RBFOX1: variants seen among roughly 807,000 people sequenced by gnomAD.
The protein encoded by RBFOX1 is RNA binding protein fox-1 homolog 1.
Under a neutral mutation model 57.7 loss-of-function variants are expected in RBFOX1, and 8 were observed. The ratio of observed to expected loss-of-function variants is 0.14; its 90% CI spans 0.08 to 0.25. The LOEUF is 0.25. Among genes scored for constraint, RBFOX1 ranks in the 10% least tolerant of loss-of-function variants. The pLI is 1.00. For missense variants in RBFOX1, 611 were observed against 548.5 expected (o/e 1.11, Z -1.14); for synonymous variants, 326 against 222.4 (o/e 1.47, Z -4.15).
At chr16:6,754,628 C>G (rs1181043293) in intron 3 of RBFOX1, among the ~76,000 whole-genome samples, 4 of 151,934 alleles carry the variant, frequency 2.6e-5, no homozygotes, top group South Asian at 4.2e-4. Context: ...CAGGAGCACA[C>G]TTTTATATAC....
intron 2 of RBFOX1, among the ~76,000 whole-genome samples, chr16:6,579,879 G>T (rs774528845): frequency 2.6e-5 from 4 of 151,966 alleles, no homozygotes; most frequent in Non-Finnish European, 4.4e-5. Context: ...AGCCACTGCC[G>T]CCAGCCTTCA....
At chr16:5,931,147 T>C (rs753677279) in intron 4 of RBFOX1, among the ~76,000 whole-genome samples, 2 of 152,142 alleles carry the variant, frequency 1.3e-5, no homozygotes, top group Non-Finnish European at 2.9e-5. Flanking sequence ...TTCTTTTGTA[T>C]TGGCTTCATT....
In RBFOX1 at chr16:5,599,305, G is replaced by A. The variant is rs371564881; in HGVS notation, c.*56G>A. Reference sequence around the variant, plus strand: ...GGTGTGACGGCCCCAGGTTGTGGGAGCACGTGAAAGAAGTCGAATGTCATT... The same window carrying A: ...GGTGTGACGGCCCCAGGTTGTGGGAACACGTGAAAGAAGTCGAATGTCATT... On this transcript the variant is annotated 3_prime_UTR_variant, in exon 3 of 3. Coordinates refer to the RBFOX1 transcript ENST00000585867. The A allele has an allele frequency of 2.9e-5, 18 of 625,434 alleles. No homozygotes were observed. In the African/African-American group the frequency reaches 3.3e-4, roughly 11 times the overall value. 38.7% of individuals were successfully genotyped at this position (625,434 alleles called of 1,614,324 possible).
intron 2 of RBFOX1, chr16:6,483,089 G>C: frequency 2.0e-6 from 2 of 989,200 alleles, no homozygotes; most frequent in Non-Finnish European, 2.4e-6. Flanking sequence ...CCTCCGACCC[G>C]TAGGGGCGGG....
intron 1 of RBFOX1, among the ~76,000 whole-genome samples, chr16:6,198,529 G>A (rs1230905933): frequency 6.6e-6 from 1 of 152,154 alleles, no homozygotes; most frequent in Non-Finnish European, 1.5e-5. Context: ...GTGTGACCTT[G>A]AGCATGTCAG....
At chr16:6,044,358 A>T (rs1316568517) in intron 1 of RBFOX1, among the ~76,000 whole-genome samples, 1 of 152,154 alleles carries the variant, frequency 6.6e-6, no homozygotes, top group Non-Finnish European at 1.5e-5. Flanking sequence ...CTTAGGATGT[A>T]TACAGTGTTC....
intron 3 of RBFOX1, among the ~76,000 whole-genome samples, chr16:6,882,278 A>G (rs2063104637): frequency 6.6e-6 from 1 of 152,244 alleles, no homozygotes; most frequent in South Asian, 2.1e-4. Context: ...ACAGAGGATG[A>G]TGGGGAGGAA....
chr16:7,241,736 AACAC>A (rs952818546), intron 4 of RBFOX1, among the ~76,000 whole-genome samples: 14 of 151,938 alleles, frequency 9.2e-5, no homozygotes, highest in Admixed American at 2.6e-4. Context: ...CATATACACA[AACAC>A]ACACACATGC....
intron 3 of RBFOX1, among the ~76,000 whole-genome samples, chr16:6,841,498 G>A (rs1603631094): frequency 6.6e-6 from 1 of 152,144 alleles, no homozygotes; most frequent in African/African-American, 2.4e-5. Flanking sequence ...CATTAATGCG[G>A]TAGATCTGGA....
At chr16:7,259,281 G>A (rs767381545) in intron 4 of RBFOX1, among the ~76,000 whole-genome samples, 1 of 152,176 alleles carries the variant, frequency 6.6e-6, no homozygotes, top group Non-Finnish European at 1.5e-5. Flanking sequence ...CAACTGCAAA[G>A]AGAGGCTTAA....
intron 3 of RBFOX1, among the ~76,000 whole-genome samples, chr16:6,671,875 C>G (rs370976631): frequency 6.6e-6 from 1 of 152,282 alleles, no homozygotes; most frequent in African/African-American, 2.4e-5. Context: ...TTTTTGTGTG[C>G]CATTTTACAT....
In RBFOX1 at chr16:7,606,829, G is replaced by A. The variant is rs563673268; in HGVS notation, c.623-456G>A. Among the ~76,000 whole-genome samples the A allele has an allele frequency of 3.9e-5, 6 of 152,208 alleles. No individual in the cohort carries two copies. In the South Asian group the frequency reaches 8.3e-4, roughly 21 times the overall value. On this transcript the variant is annotated intron_variant, in intron 9 of 15. Coordinates refer to ENST00000550418, the MANE Select transcript of RBFOX1 (RefSeq NM_018723.4). ...GCACTTTGGAATTCTCTAGTATCTCGAGGTTATAATTTGGAATGACAATTG... is the reference window on the plus strand; with the variant it reads ...GCACTTTGGAATTCTCTAGTATCTCAAGGTTATAATTTGGAATGACAATTG...
intron 2 of RBFOX1, among the ~76,000 whole-genome samples, chr16:5,554,126 A>G (rs1279532934): frequency 6.6e-6 from 1 of 151,998 alleles, no homozygotes; most frequent in Non-Finnish European, 1.5e-5. Flanking sequence ...GGCCACCACC[A>G]TGCCTGATTA....
chr16:6,301,701 G>A (rs1198571503), intron 1 of RBFOX1, among the ~76,000 whole-genome samples: 3 of 152,090 alleles, frequency 2.0e-5, no homozygotes, highest in Admixed American at 6.6e-5. Flanking sequence ...AAACAGTTTA[G>A]GGGAGTGCCT....
chr16:6,157,118 A>T (rs1379710677), intron 1 of RBFOX1, among the ~76,000 whole-genome samples: 1 of 152,106 alleles, frequency 6.6e-6, no homozygotes, highest in Non-Finnish European at 1.5e-5. Context: ...TAGAGGTGTG[A>T]GCCAACACCC....
intron 14 of RBFOX1, among the ~76,000 whole-genome samples, chr16:7,691,132 A>G (rs1434020758): frequency 2.0e-5 from 3 of 152,090 alleles, no homozygotes; most frequent in Non-Finnish European, 2.9e-5. Flanking sequence ...ATAAAATAGT[A>G]CAGAATGGAT....
chr16:5,708,276 A>G (rs377344817), intron 3 of RBFOX1, among the ~76,000 whole-genome samples: 3 of 152,190 alleles, frequency 2.0e-5, no homozygotes, highest in Non-Finnish European at 2.9e-5. Context: ...ATATGTATCA[A>G]GCAGATGAAG....
At chr16:7,501,246 A>G (rs2070748046) in intron 4 of RBFOX1, among the ~76,000 whole-genome samples, 1 of 152,180 alleles carries the variant, frequency 6.6e-6, no homozygotes. Flanking sequence ...TATTTCTTCT[A>G]TTTCAAGCAC....
intron 1 of RBFOX1, among the ~76,000 whole-genome samples, chr16:6,147,735 C>G (rs1452921394): frequency 6.6e-6 from 1 of 152,206 alleles, no homozygotes; most frequent in Non-Finnish European, 1.5e-5. Flanking sequence ...CCAGTCCTCG[C>G]ACCAAAATCT....
Sources: gnomAD v4.1 joint callset for allele counts (sites outside exome capture counted in the v4.1 genomes callset) on GRCh38, gnomAD v4.1.1 for gene constraint, MANE v1.5 for transcripts, NCBI Gene and HGNC (gene_info 2026-07-23, HGNC 2026-07-21) for gene names.